Variants in CNBD1 observed in about 807,000 individuals in gnomAD.
The protein encoded by CNBD1 is cyclic nucleotide-binding domain-containing protein 1.
Under a neutral mutation model 54.4 loss-of-function variants are expected in CNBD1, and 71 were observed. The observed-to-expected ratio is 1.30, with a 90% CI of 1.08 to 1.59. The LOEUF is 1.59. Among genes scored for constraint, CNBD1 ranks in the 40% most tolerant of loss-of-function variants. The probability of loss-of-function intolerance (pLI) is 0.00; values close to 1 mark genes in which losing one functional copy is unlikely to be tolerated. For synonymous variants in CNBD1, 182 were observed against 170.7 expected, an observed-to-expected ratio of 1.07 and a Z score of -0.51; for missense variants, 659 against 518.0, an observed-to-expected ratio of 1.27 and a Z score of -2.64.
intron 2 of CNBD1, among the ~76,000 whole-genome samples, chr8:87,399,154 TG>T (rs1321901840): frequency 6.6e-6 from 1 of 152,088 alleles, no homozygotes; most frequent in Non-Finnish European, 1.5e-5. Context: ...CAGTTTAACC[TG>T]AGATGATTCA....
At chr8:87,049,675 C>T (rs1442371617) in intron 4 of CNBD1, among the ~76,000 whole-genome samples, 1 of 152,152 alleles carries the variant, frequency 6.6e-6, no homozygotes, top group Non-Finnish European at 1.5e-5. Context: ...CTGGTTTCCT[C>T]TGAGAGGAAA....
chr8:87,373,927 G>C (rs779483110), intron 10 of CNBD1, among the ~76,000 whole-genome samples: 1 of 151,582 alleles, frequency 6.6e-6, no homozygotes, highest in Non-Finnish European at 1.5e-5. Flanking sequence ...TTAAATATTT[G>C]TATTGCAAAA....
chr8:87,217,588 T>A (rs1317734680), intron 5 of CNBD1, among the ~76,000 whole-genome samples: 17 of 139,874 alleles, frequency 1.2e-4, no homozygotes, highest in African/African-American at 2.3e-4. Context: ...TTTTTTTTTT[T>A]AAATAGCCAC....
intron 10 of CNBD1, among the ~76,000 whole-genome samples, chr8:87,379,471 A>G (rs1463838108): frequency 6.6e-6 from 1 of 151,958 alleles, no homozygotes; most frequent in East Asian, 1.9e-4. Context: ...AATTGACCAC[A>G]TACTGGGAAG....
chr8:87,335,240 T>G (rs1036572695), intron 8 of CNBD1, among the ~76,000 whole-genome samples: 1 of 152,146 alleles, frequency 6.6e-6, no homozygotes, highest in Middle Eastern at 3.2e-3. Flanking sequence ...CAGAGCTGAG[T>G]TTGAATCCTG....
At chr8:87,259,821 T>C (rs1443765208) in intron 6 of CNBD1, among the ~76,000 whole-genome samples, 2 of 152,170 alleles carry the variant, frequency 1.3e-5, no homozygotes, top group East Asian at 1.9e-4. Context: ...TAACCGCTTT[T>C]AATTAAGCTG....
chr8:87,392,427 A>C (rs1028823146), intron 2 of CNBD1, among the ~76,000 whole-genome samples: 1 of 152,050 alleles, frequency 6.6e-6, no homozygotes, highest in Non-Finnish European at 1.5e-5. Context: ...TAACCGATGA[A>C]GGGATAAATT....
chr8:87,184,922 A>G (rs1378575037), intron 4 of CNBD1, among the ~76,000 whole-genome samples: 3 of 152,004 alleles, frequency 2.0e-5, no homozygotes, highest in Admixed American at 2.0e-4. Context: ...AATATGTTGC[A>G]TTTTCATTTT....
intron 8 of CNBD1, among the ~76,000 whole-genome samples, chr8:87,322,762 C>G (rs1198125519): frequency 1.2e-5 from 1 of 82,848 alleles, no homozygotes; most frequent in African/African-American, 4.8e-5. Flanking sequence ...GTTGCCTGTT[C>G]ACTCTGATGG....
At chr8:87,392,586 T>C (rs528126712) in intron 2 of CNBD1, among the ~76,000 whole-genome samples, 1 of 152,134 alleles carries the variant, frequency 6.6e-6, no homozygotes, top group Admixed American at 6.6e-5. Context: ...TTCATTTATA[T>C]GAAATGCACA....
intron 4 of CNBD1, among the ~76,000 whole-genome samples, chr8:87,089,893 A>G (rs982591587): frequency 2.0e-5 from 3 of 152,130 alleles, no homozygotes. Flanking sequence ...AAATTCCTGA[A>G]AAATTAGATA....
intron 4 of CNBD1, among the ~76,000 whole-genome samples, chr8:87,115,595 A>G (rs1290436658): frequency 6.6e-6 from 1 of 152,172 alleles, no homozygotes; most frequent in Non-Finnish European, 1.5e-5. Context: ...GCAGTCAATG[A>G]CAAGGCACAA....
intron 4 of CNBD1, among the ~76,000 whole-genome samples, chr8:87,039,660 T>G (rs1810023504): frequency 6.6e-6 from 1 of 152,224 alleles, no homozygotes; most frequent in Admixed American, 6.5e-5. Context: ...GAGTTATTCA[T>G]GCAGGGCTGG....
chr8:87,270,019 A>T (rs538764623), intron 6 of CNBD1, among the ~76,000 whole-genome samples: 1 of 152,164 alleles, frequency 6.6e-6, no homozygotes, highest in East Asian at 1.9e-4. Context: ...CAAAAATACT[A>T]GCAAATTGAA....
At chr8:87,109,629 C>T (rs1372045108) in intron 4 of CNBD1, among the ~76,000 whole-genome samples, 5 of 150,906 alleles carry the variant, frequency 3.3e-5, no homozygotes, top group African/African-American at 1.2e-4. Context: ...AGCTCCGCCT[C>T]CTGGGTTCAC....
At chr8:87,243,709 A>C (rs1343378040) in intron 6 of CNBD1, among the ~76,000 whole-genome samples, 1 of 152,216 alleles carries the variant, frequency 6.6e-6, no homozygotes, top group African/African-American at 2.4e-5. Flanking sequence ...ATAAGTTTTC[A>C]ATTTAAGAAA....
intron 5 of CNBD1, among the ~76,000 whole-genome samples, chr8:87,235,748 G>A (rs566506038): frequency 6.6e-6 from 1 of 152,256 alleles, no homozygotes; most frequent in South Asian, 2.1e-4. Flanking sequence ...GTGAGCACAT[G>A]CTGTTGGAAA....
In CNBD1 at chr8:87,225,088, G is replaced by C. The variant is rs1249125456; in HGVS notation, c.578-11831G>C. ...GGAATGCTTGTGATTTTTGCACATT[G>C]ATTTTGTATCCTGAGACTTTGCTGA... is the stretch of plus-strand genomic sequence containing the variant. On this transcript the variant is annotated intron_variant, in intron 5 of 10. Coordinates refer to ENST00000518476, the MANE Select transcript of CNBD1 (RefSeq NM_173538.3). Among the ~76,000 whole-genome samples the C allele has an allele frequency of 4.0e-5, 6 of 151,366 alleles. No individual in the cohort carries two copies. The South Asian group carries it at 1.0e-3, about 26-fold the overall frequency.
At chr8:87,423,781 C>G (rs1807989669) in intron 2 of CNBD1, among the ~76,000 whole-genome samples, 1 of 152,088 alleles carries the variant, frequency 6.6e-6, no homozygotes, top group African/African-American at 2.4e-5. Flanking sequence ...CAGAATGATG[C>G]TGGCCTCATA....
Sources: gnomAD v4.1 joint callset for allele counts (sites outside exome capture counted in the v4.1 genomes callset) on GRCh38, gnomAD v4.1.1 for gene constraint, MANE v1.5 for transcripts, NCBI Gene and HGNC (gene_info 2026-07-23, HGNC 2026-07-21) for gene names.